The following CSNK1G1 variants were observed in gnomAD, a reference collection of about 807,000 sequenced individuals.
CSNK1G1 encodes the protein casein kinase 1 gamma 1, also known as casein kinase I isoform gamma-1.
Under a neutral mutation model 59.6 loss-of-function variants are expected in CSNK1G1, and 22 were observed. That is an observed-to-expected ratio of 0.37 (90% CI 0.26 to 0.53). The LOEUF (loss-of-function observed/expected upper bound fraction) is 0.53. Ranked by LOEUF, CSNK1G1 falls within the 20% of genes least tolerant of loss-of-function variation. The probability of loss-of-function intolerance (pLI) is 0.89; values close to 1 mark genes in which losing one functional copy is unlikely to be tolerated. For synonymous variants in CSNK1G1, 179 were observed against 177.1 expected (o/e 1.01, Z -0.08); for missense variants, 384 against 519.5 (o/e 0.74, Z 2.54).
chr15:64,220,878 T>A (rs1394854625), intron 4 of CSNK1G1, among the ~76,000 whole-genome samples: 2 of 152,152 alleles, frequency 1.3e-5, no homozygotes, highest in African/African-American at 4.8e-5. Context: ...TCTAAAAAAA[T>A]TCTTTCAAGA....
intron 1 of CSNK1G1, among the ~76,000 whole-genome samples, chr15:64,355,542 G>C (rs866751304): frequency 6.6e-6 from 1 of 152,184 alleles, no homozygotes; most frequent in Non-Finnish European, 1.5e-5. Flanking sequence ...GTACCCAGTC[G>C]ACTCAGAACC....
chr15:64,275,962 T>C (rs1210781631), intron 2 of CSNK1G1, among the ~76,000 whole-genome samples: 1 of 152,228 alleles, frequency 6.6e-6, no homozygotes, highest in Non-Finnish European at 1.5e-5. Flanking sequence ...AATGAAAAGC[T>C]GGTCAGTGGC....
chr15:64,259,483 T>TACACACACACACACACACAC lies in CSNK1G1; in HGVS notation c.182-262_182-243dup, dbSNP rs59936401. Among the ~76,000 whole-genome samples the TACACACACACACACACACAC allele has an allele frequency of 2.9e-5, 4 of 139,716 alleles. No homozygotes were observed. In the East Asian group the frequency reaches 6.3e-4, roughly 22 times the overall value. The allele number at this position is 139,716 out of a possible 152,430, so 91.7% of individuals were successfully genotyped here. A position where few individuals can be genotyped will look rare whatever the true frequency, so the allele number is the denominator to read the frequency against. On this transcript the variant is annotated intron_variant, in intron 2 of 11. Coordinates refer to ENST00000303052, the MANE Select transcript of CSNK1G1 (RefSeq NM_022048.5). Reference sequence around the variant, plus strand: ...CCTAAAAGAGAAAACAAATCTCTCTTACACACACACACACACACACACACA... The same window carrying TACACACACACACACACACAC: ...CCTAAAAGAGAAAACAAATCTCTCTTACACACACACACACACACACACACACACACACACACACACACACA...
At chr15:64,248,002 G>A (rs146197663) in intron 4 of CSNK1G1, among the ~76,000 whole-genome samples, 9 of 152,252 alleles carry the variant, frequency 5.9e-5, no homozygotes, top group African/African-American at 2.2e-4. Flanking sequence ...ATAATTCACT[G>A]GACAGTAATG....
intron 4 of CSNK1G1, among the ~76,000 whole-genome samples, chr15:64,223,614 C>G (rs557737903): frequency 1.3e-5 from 2 of 152,190 alleles, no homozygotes; most frequent in Admixed American, 6.5e-5. Context: ...GAAGTGACTA[C>G]TGAATTTTAC....
intron 1 of CSNK1G1, among the ~76,000 whole-genome samples, chr15:64,304,297 C>G (rs553959831): frequency 1.4e-5 from 2 of 144,742 alleles, no homozygotes. Flanking sequence ...GCAGGAGAAT[C>G]GCTTGAACCT....
intron 2 of CSNK1G1, among the ~76,000 whole-genome samples, chr15:64,290,345 TACAC>T (rs58767502): frequency 2.7e-4 from 40 of 150,286 alleles, no homozygotes; most frequent in African/African-American, 9.5e-4. Flanking sequence ...ACACACATTT[TACAC>T]ACACACACAC....
chr15:64,191,980 T>A (rs1204125983), intron 10 of CSNK1G1, among the ~76,000 whole-genome samples: 1 of 152,182 alleles, frequency 6.6e-6, no homozygotes, highest in East Asian at 1.9e-4. Context: ...AGCAACAGAA[T>A]GCCTAGGAAA....
chr15:64,322,940 G>GT (rs544202829), intron 1 of CSNK1G1, among the ~76,000 whole-genome samples: 102 of 146,396 alleles, frequency 7.0e-4, no homozygotes, highest in South Asian at 1.3e-3. Flanking sequence ...TTTTTGGGTT[G>GT]TTTTTTTTTT....
intron 2 of CSNK1G1, among the ~76,000 whole-genome samples, chr15:64,280,980 C>T (rs926144926): frequency 1.3e-5 from 2 of 151,970 alleles, no homozygotes; most frequent in Non-Finnish European, 1.5e-5. Flanking sequence ...CCTGGGTTCA[C>T]GCCATTATCC....
intron 4 of CSNK1G1, among the ~76,000 whole-genome samples, chr15:64,222,436 C>CAAAAAAAA (rs1567381566): frequency 5.2e-5 from 6 of 114,654 alleles, no homozygotes; most frequent in African/African-American, 1.1e-4. Context: ...AACAACACCA[C>CAAAAAAAA]CAAAAAAAAA....
intron 1 of CSNK1G1, among the ~76,000 whole-genome samples, chr15:64,352,441 A>ATTCTTC: frequency 1.1e-5 from 1 of 93,088 alleles, no homozygotes; most frequent in Middle Eastern, 5.4e-3. Context: ...CATAATTTGA[A>ATTCTTC]TTCTTCTTTT....
At chr15:64,277,780 A>ATATTAATATTG in intron 2 of CSNK1G1, among the ~76,000 whole-genome samples, 3 of 132,536 alleles carry the variant, frequency 2.3e-5, no homozygotes, top group African/African-American at 8.5e-5. Context: ...TATATTTAAT[A>ATATTAATATTG]ATATATTAAT....
At chr15:64,290,989 C>T (rs1026764486) in intron 2 of CSNK1G1, among the ~76,000 whole-genome samples, 1 of 152,154 alleles carries the variant, frequency 6.6e-6, no homozygotes, top group Non-Finnish European at 1.5e-5. Flanking sequence ...GCTGAGATTA[C>T]AGGCGTGAGC....
intron 10 of CSNK1G1, among the ~76,000 whole-genome samples, chr15:64,199,905 A>T (rs1475725119): frequency 3.9e-5 from 6 of 152,136 alleles, no homozygotes; most frequent in Non-Finnish European, 8.8e-5. Flanking sequence ...ATTCTAAGAG[A>T]ATGGAGGTAA....
intron 4 of CSNK1G1, among the ~76,000 whole-genome samples, chr15:64,217,869 A>G (rs938884723): frequency 4.6e-5 from 7 of 152,012 alleles, no homozygotes; most frequent in African/African-American, 1.7e-4. Context: ...GGTTTCACAG[A>G]GCAGAAACAT....
chr15:64,352,487 C>A (rs1283485411), intron 1 of CSNK1G1, among the ~76,000 whole-genome samples: 1 of 82,018 alleles, frequency 1.2e-5, no homozygotes, highest in Non-Finnish European at 2.3e-5. Context: ...TTTGCTCTTG[C>A]CCAGGCTGGA....
At chr15:64,311,871 C>T (rs1218576360) in intron 1 of CSNK1G1, among the ~76,000 whole-genome samples, 1 of 151,970 alleles carries the variant, frequency 6.6e-6, no homozygotes, top group Non-Finnish European at 1.5e-5. Context: ...CAGAGTGAGA[C>T]CATGCCTCAA....
At chr15:64,237,836 A>G (rs1262929221) in intron 4 of CSNK1G1, among the ~76,000 whole-genome samples, 1 of 152,230 alleles carries the variant, frequency 6.6e-6, no homozygotes, top group Non-Finnish European at 1.5e-5. Flanking sequence ...ATGAGGGCAT[A>G]TAAAACCATT....
Sources: allele counts gnomAD v4.1 joint callset (sites outside exome capture counted in the v4.1 genomes callset), GRCh38; gene constraint gnomAD v4.1.1; transcripts MANE v1.5; gene names NCBI Gene and HGNC (gene_info 2026-07-23, HGNC 2026-07-21).